Variants in EYS observed in about 807,000 individuals in gnomAD.
EYS encodes the protein protein eyes shut homolog.
A neutral mutation model predicts 282.1 loss-of-function variants in EYS; 250 were observed. The observed-to-expected ratio is 0.89, with a 90% confidence interval of 0.80 to 0.98. EYS has a LOEUF of 0.98. Among genes scored for constraint, EYS ranks in the 50% least tolerant of loss-of-function variants. The pLI is 0.00. For synonymous variants in EYS, 1,355 were observed against 1,282.9 expected, an observed-to-expected ratio of 1.06 and a Z score of -1.20; for missense variants, 4,016 against 3,709.0, an observed-to-expected ratio of 1.08 and a Z score of -2.15.
chr6:64,125,640 G>T (rs530913163), intron 31 of EYS, among the ~76,000 whole-genome samples: 3 of 151,870 alleles, frequency 2.0e-5, no homozygotes, highest in African/African-American at 7.2e-5. Flanking sequence ...CAAAAAATTA[G>T]CCGGGCGTGG....
chr6:64,413,853 A>G (rs1773982134), intron 28 of EYS, among the ~76,000 whole-genome samples: 1 of 152,120 alleles, frequency 6.6e-6, no homozygotes. Context: ...AGGATGTGAC[A>G]TGTTTGAGAG....
chr6:65,557,672 A>G (rs1056031274), intron 2 of EYS, among the ~76,000 whole-genome samples: 2 of 152,170 alleles, frequency 1.3e-5, no homozygotes, highest in Non-Finnish European at 2.9e-5. Flanking sequence ...GCCAGCCAGG[A>G]ACATGTTACA....
chr6:63,838,647 A>C (rs1771870808), intron 36 of EYS, among the ~76,000 whole-genome samples: 1 of 152,124 alleles, frequency 6.6e-6, no homozygotes, highest in Admixed American at 6.6e-5. Flanking sequence ...TGTAGGTGAG[A>C]GAGGAAGGCC....
chr6:64,970,487 T>G (rs1485816806), intron 14 of EYS, among the ~76,000 whole-genome samples: 2 of 152,154 alleles, frequency 1.3e-5, no homozygotes, highest in African/African-American at 4.8e-5. Context: ...CGTGAACCAC[T>G]GTGCCTGGCC....
chr6:64,007,793 G>A (rs1009934774), intron 33 of EYS, among the ~76,000 whole-genome samples: 9 of 152,110 alleles, frequency 5.9e-5, no homozygotes, highest in African/African-American at 2.2e-4. Flanking sequence ...GTGATTGTAT[G>A]ATTTTCATCA....
chr6:64,381,621 T>C (rs1179198025), intron 29 of EYS, among the ~76,000 whole-genome samples: 3 of 152,232 alleles, frequency 2.0e-5, no homozygotes, highest in Non-Finnish European at 4.4e-5. Flanking sequence ...TTACTTTTTA[T>C]ATTATAAAGA....
intron 12 of EYS, among the ~76,000 whole-genome samples, chr6:65,098,554 T>A (rs1246301033): frequency 1.3e-5 from 2 of 150,778 alleles, no homozygotes; most frequent in Non-Finnish European, 3.0e-5. Context: ...GTAAATTGGC[T>A]TATCTTTTGG....
chr6:63,767,259 G>C (rs1769812733), intron 40 of EYS, among the ~76,000 whole-genome samples: 1 of 152,068 alleles, frequency 6.6e-6, no homozygotes, highest in African/African-American at 2.4e-5. Context: ...AAGAAGAAAA[G>C]ATATCCAGAT....
chr6:64,814,375 G>T (rs1764686552), intron 21 of EYS, among the ~76,000 whole-genome samples: 1 of 151,968 alleles, frequency 6.6e-6, no homozygotes, highest in South Asian at 2.1e-4. Context: ...TGTGCTATGA[G>T]AGTTAAATAA....
chr6:64,315,382 T>G (rs893909968), intron 29 of EYS, among the ~76,000 whole-genome samples: 1 of 151,746 alleles, frequency 6.6e-6, no homozygotes, highest in Admixed American at 6.6e-5. Flanking sequence ...TTGCAAACAA[T>G]GGAAAAAAAG....
chr6:64,045,042 G>C (rs1770555905), intron 33 of EYS, among the ~76,000 whole-genome samples: 1 of 152,080 alleles, frequency 6.6e-6, no homozygotes, highest in Admixed American at 6.6e-5. Flanking sequence ...AGTGGAAAAG[G>C]AAAAGTAAGA....
At chr6:64,235,841 A>G (rs906911559) in intron 30 of EYS, among the ~76,000 whole-genome samples, 1 of 152,198 alleles carries the variant, frequency 6.6e-6, no homozygotes, top group Non-Finnish European at 1.5e-5. Context: ...ATAGCTTACC[A>G]ACCAAAAAGA....
intron 22 of EYS, among the ~76,000 whole-genome samples, chr6:64,687,241 A>G (rs1195648300): frequency 6.6e-6 from 1 of 152,066 alleles, no homozygotes; most frequent in Non-Finnish European, 1.5e-5. Context: ...TTTTAAGAAA[A>G]TATGATTACA....
At chr6:64,299,387 C>T (rs377382775) in intron 30 of EYS, among the ~76,000 whole-genome samples, 1 of 152,222 alleles carries the variant, frequency 6.6e-6, no homozygotes, top group African/African-American at 2.4e-5. Context: ...GCCCCCTGGC[C>T]TACTCTTTCA....
intron 41 of EYS, chr6:63,745,013 T>C (rs1020028192): frequency 3.5e-5 from 15 of 429,536 alleles, no homozygotes; most frequent in Middle Eastern, 3.4e-4. Context: ...TTCCAATAAA[T>C]TGATGACCTG....
intron 8 of EYS, among the ~76,000 whole-genome samples, chr6:65,381,367 C>T (rs539965354): frequency 6.6e-6 from 1 of 151,972 alleles, no homozygotes; most frequent in South Asian, 2.1e-4. Flanking sequence ...AACATAGGAA[C>T]AGAAAAGCAA....
At chr6:65,008,474 G>T (rs943683057) in intron 13 of EYS, among the ~76,000 whole-genome samples, 1 of 151,974 alleles carries the variant, frequency 6.6e-6, no homozygotes, top group Admixed American at 6.6e-5. Context: ...AAAAAAAAAG[G>T]CTACCGCTTT....
At chr6:64,064,847 TTC>T (rs1290305732) in intron 33 of EYS, among the ~76,000 whole-genome samples, 1 of 152,196 alleles carries the variant, frequency 6.6e-6, no homozygotes, top group Admixed American at 6.5e-5. Context: ...TTAAACAGTT[TTC>T]TGTTATTTAG....
chr6:64,495,309 T>C (rs1365126827), intron 26 of EYS, among the ~76,000 whole-genome samples: 4 of 151,892 alleles, frequency 2.6e-5, no homozygotes, highest in African/African-American at 9.6e-5. Flanking sequence ...CTTCTTGTTA[T>C]ATACGCTTTT....
Sources: gnomAD v4.1 joint callset for allele counts (sites outside exome capture counted in the v4.1 genomes callset) on GRCh38, gnomAD v4.1.1 for gene constraint, MANE v1.5 for transcripts, NCBI Gene and HGNC (gene_info 2026-07-23, HGNC 2026-07-21) for gene names.